FBN2: variants seen among roughly 807,000 people sequenced by gnomAD.
FBN2 encodes the protein fibrillin-2.
Under a neutral mutation model 355.6 loss-of-function variants are expected in FBN2, and 105 were observed. That is an observed-to-expected ratio of 0.30 (90% CI 0.25 to 0.35). FBN2 has a LOEUF of 0.35. FBN2 is among the 10% of genes least tolerant of loss of function. The probability of loss-of-function intolerance (pLI) is 1.00; values close to 1 mark genes in which losing one functional copy is unlikely to be tolerated. For synonymous variants in FBN2, 1,350 were observed against 1,301.2 expected (o/e 1.04, Z -0.81); for missense variants, 3,280 against 3,758.7 (o/e 0.87, Z 3.33).
intron 16 of FBN2, 112 bp downstream of exon 16, chr5:128,369,070 T>G: frequency 9.1e-7 from 1 of 1,095,392 alleles, no homozygotes; most frequent in Non-Finnish European, 1.4e-6. Flanking sequence ...ATTTCTCTTC[T>G]TCAGTTAAAA....
intron 5 of FBN2, among the ~76,000 whole-genome samples, chr5:128,479,146 T>G (rs2127104980): frequency 6.6e-6 from 1 of 152,342 alleles, no homozygotes; most frequent in South Asian, 2.1e-4. Flanking sequence ...ACACTCAAAC[T>G]TTCTTAGCAG....
intron 55 of FBN2, among the ~76,000 whole-genome samples, chr5:128,282,307 T>C (rs1765569771): frequency 6.6e-6 from 1 of 152,188 alleles, no homozygotes; most frequent in African/African-American, 2.4e-5. Flanking sequence ...TAAAGGTATA[T>C]ACAAAAGTAA....
chr5:128,466,918 A>G (rs939729563), intron 5 of FBN2, among the ~76,000 whole-genome samples: 2 of 152,238 alleles, frequency 1.3e-5, no homozygotes, highest in African/African-American at 4.8e-5. Flanking sequence ...CATTTTAAAT[A>G]AACATTAAAT....
At chr5:128,350,661 A>G (rs1751328469) in intron 21 of FBN2, among the ~76,000 whole-genome samples, 1 of 152,264 alleles carries the variant, frequency 6.6e-6, no homozygotes, top group Admixed American at 6.5e-5. Context: ...CTTCCATGTT[A>G]AAATATTTAG....
chr5:128,330,425 G>A, intron 33 of FBN2, 148 bp downstream of exon 33: 1 of 781,360 alleles, frequency 1.3e-6, no homozygotes, highest in East Asian at 2.7e-5. Context: ...TTTAATGTAA[G>A]AGAAAGATAC....
intron 9 of FBN2, 85 bp from the exon 10 acceptor site, chr5:128,393,453 T>C: frequency 1.8e-6 from 2 of 1,096,796 alleles, no homozygotes; most frequent in Non-Finnish European, 2.8e-6. Flanking sequence ...CTAAGTCACT[T>C]TGGGTTACCT....
chr5:128,283,543 G>A (rs755651264), intron 55 of FBN2, among the ~76,000 whole-genome samples: 3 of 152,152 alleles, frequency 2.0e-5, no homozygotes, highest in Non-Finnish European at 2.9e-5. Context: ...AATATTTTTA[G>A]TCTCTCTAAA....
At chr5:128,371,901 T>G (rs1043976463) in intron 15 of FBN2, among the ~76,000 whole-genome samples, 1 of 152,232 alleles carries the variant, frequency 6.6e-6, no homozygotes, top group African/African-American at 2.4e-5. Context: ...CTACATACCA[T>G]GAGTAAAATA....
chr5:128,320,581 G>T (rs1042363330), intron 34 of FBN2, among the ~76,000 whole-genome samples: 8 of 152,068 alleles, frequency 5.3e-5, no homozygotes, highest in Non-Finnish European at 1.0e-4. Flanking sequence ...TTGTATAAAA[G>T]AACGCATTTT....
chr5:128,347,596 T>C (rs1377454372), intron 23 of FBN2, among the ~76,000 whole-genome samples: 1 of 152,142 alleles, frequency 6.6e-6, no homozygotes, highest in Non-Finnish European at 1.5e-5. Flanking sequence ...TGAGGTTCTA[T>C]CAGAGCATTT....
chr5:128,530,177 T>C (rs1756664593), intron 3 of FBN2, among the ~76,000 whole-genome samples: 2 of 152,216 alleles, frequency 1.3e-5, no homozygotes, highest in South Asian at 4.1e-4. Flanking sequence ...ATAATTATCT[T>C]ATGAAGTTGT....
intron 32 of FBN2, 52 bp from the exon 33 acceptor site, chr5:128,330,747 C>T (rs777190929): frequency 1.2e-4 from 191 of 1,598,930 alleles, no homozygotes; most frequent in Non-Finnish European, 1.6e-4. Flanking sequence ...ATTTAAGCAC[C>T]TGGAAAGATT....
intron 41 of FBN2, among the ~76,000 whole-genome samples, chr5:128,307,857 T>C (rs1001354180): frequency 2.6e-5 from 4 of 152,030 alleles, no homozygotes; most frequent in African/African-American, 9.7e-5. Flanking sequence ...TACAAGTGAG[T>C]AAAACTCCTG....
chr5:128,443,125 A>C (rs1009293682), intron 7 of FBN2, among the ~76,000 whole-genome samples: 19 of 152,246 alleles, frequency 1.2e-4, no homozygotes, highest in African/African-American at 4.6e-4. Context: ...GGTCCTTGAC[A>C]TCAGAAGCAT....
Position 128,334,883 on chromosome 5 carries a change from C to G in FBN2, c.3974-39G>C, listed in dbSNP as rs373512077. ...TTTCAATATCTTAGTATGTGCTCAT[C>G]ACAGTAATTTAAAAGCTATCTTCTA... is the stretch of plus-strand genomic sequence containing the variant. On this transcript the variant is annotated intron_variant, in intron 30 of 64. Transcript: ENST00000262464. 12 of 1,564,336 alleles carry G rather than the reference C, an allele frequency of 7.7e-6. No individual in the cohort carries two copies. The African/African-American group carries it at 1.1e-4, about 14-fold the overall frequency.
At chr5:128,442,185 T>C (rs1318059750) in intron 7 of FBN2, 3 of 380,484 alleles carry the variant, frequency 7.9e-6, no homozygotes, top group Non-Finnish European at 1.0e-5. Flanking sequence ...TCAAACTAAA[T>C]TGCAAACAAC....
chr5:128,302,962 G>C lies in FBN2; in HGVS notation c.5917+11C>G, dbSNP rs1391164870. ...AAATAGAAGCAATAAAGGACTGAAT[G>C]AAGTACTTACCCAGGCAATCATTAT... On this transcript the variant is annotated intron_variant, in intron 46 of 64. Coordinates refer to ENST00000262464, the MANE Select transcript of FBN2 (RefSeq NM_001999.4). The C allele has an allele frequency of 7.5e-7, 1 of 1,329,862 alleles. No individual in the cohort carries two copies. The highest frequency in any genetic ancestry group is 1.1e-6 in the Non-Finnish European group (1 of 920,332). The allele number at this position is 1,329,862 out of a possible 1,614,324, so 82.4% of individuals were successfully genotyped here. A position where few individuals can be genotyped will look rare whatever the true frequency, so the allele number is the denominator to read the frequency against.
intron 16 of FBN2, among the ~76,000 whole-genome samples, chr5:128,366,648 ATAT>A (rs1394825316): frequency 1.3e-5 from 2 of 152,236 alleles, no homozygotes; most frequent in African/African-American, 4.8e-5. Context: ...ATCATCCTGA[ATAT>A]TATTAATACA....
chr5:128,463,754 G>A (rs1754621740), intron 6 of FBN2, among the ~76,000 whole-genome samples: 1 of 152,130 alleles, frequency 6.6e-6, no homozygotes, highest in Non-Finnish European at 1.5e-5. Flanking sequence ...AGGCCCAATA[G>A]ATAACATCTT....
Sources: allele counts gnomAD v4.1 joint callset (sites outside exome capture counted in the v4.1 genomes callset), GRCh38; gene constraint gnomAD v4.1.1; transcripts MANE v1.5; gene names NCBI Gene and HGNC (gene_info 2026-07-23, HGNC 2026-07-21).